The following GNS variants were observed in gnomAD, a reference collection of about 807,000 sequenced individuals.
GNS encodes the protein glucosamine (N-acetyl)-6-sulfatase.
Under a neutral mutation model 69.7 loss-of-function variants are expected in GNS, and 40 were observed. That is an observed-to-expected ratio of 0.57 (90% CI 0.45 to 0.75). GNS has a LOEUF of 0.75. Ranked by LOEUF, GNS falls within the 30% of genes least tolerant of loss-of-function variation. The probability of loss-of-function intolerance (pLI) is 0.00; values close to 1 mark genes in which losing one functional copy is unlikely to be tolerated. For missense variants in GNS, 565 were observed against 685.5 expected (o/e 0.82, Z 1.96); for synonymous variants, 243 against 251.6 (o/e 0.97, Z 0.32).
chr12:64,725,995 CAAAAAAAAAA>C (rs34734900), intron 10 of GNS, among the ~76,000 whole-genome samples: 2 of 49,214 alleles, frequency 4.1e-5, no homozygotes, highest in African/African-American at 1.6e-4. Context: ...GACTCTGTCT[CAAAAAAAAAA>C]AAAAAAAAAA....
intron 8 of GNS, 143 bp downstream of exon 8, chr12:64,739,238 A>G: frequency 1.3e-6 from 1 of 760,130 alleles, no homozygotes. Context: ...TGGTGCTCCA[A>G]CTGGAGGGGT....
intron 9 of GNS, among the ~76,000 whole-genome samples, chr12:64,732,682 C>T (rs563333295): frequency 1.7e-4 from 26 of 151,898 alleles, no homozygotes; most frequent in African/African-American, 4.6e-4. Flanking sequence ...AGGATGGTCT[C>T]GATCTCCTGA....
intron 1 of GNS, chr12:64,756,613 G>A: frequency 1.4e-6 from 1 of 709,262 alleles, no homozygotes; most frequent in South Asian, 1.5e-5. Flanking sequence ...AGGATACTAT[G>A]TACAGCAGAG....
Position 64,737,190 on chromosome 12 carries a change from C to G in GNS, c.995-83G>C, listed in dbSNP as rs1418781802. On this transcript the variant is annotated intron_variant, in intron 8 of 13. Coordinates refer to ENST00000258145, the MANE Select transcript of GNS (RefSeq NM_002076.4). ...ATGTTTCACTCATTTAATCCACAGC[C>G]AAAACTAAAACAACTTTGTTCTACT... 16 of 816,528 alleles carry G rather than the reference C, an allele frequency of 2.0e-5. No individual in the cohort carries two copies. The Admixed American group carries it at 2.9e-4, about 15-fold the overall frequency. The allele number at this position is 816,528 out of a possible 1,614,324, so 50.6% of individuals were successfully genotyped here. A position where few individuals can be genotyped will look rare whatever the true frequency, so the allele number is the denominator to read the frequency against.
intron 6 of GNS, among the ~76,000 whole-genome samples, chr12:64,742,173 A>G (rs1244196212): frequency 3.3e-5 from 5 of 152,034 alleles, no homozygotes; most frequent in African/African-American, 9.7e-5. Context: ...GGTGTCCACC[A>G]CCACGCCCGG....
intron 1 of GNS, among the ~76,000 whole-genome samples, chr12:64,755,098 T>C (rs958341330): frequency 1.3e-5 from 2 of 152,050 alleles, no homozygotes; most frequent in Non-Finnish European, 2.9e-5. Context: ...GTTAAGGCCA[T>C]GCAACAGTCT....
At chr12:64,730,434 C>CAAAAAAAAAA (rs35692874) in intron 9 of GNS, among the ~76,000 whole-genome samples, 1 of 43,386 alleles carries the variant, frequency 2.3e-5, no homozygotes, top group African/African-American at 1.0e-4. Context: ...ATATGAAAGG[C>CAAAAAAAAAA]AAAAAAAAAA....
At position 64,745,625 on chromosome 12, in the gene GNS, C is replaced by T. The variant is rs12301873; in HGVS notation, c.525+34G>A. 0.01 allele frequency: 11,960 copies of T among 1,175,444 alleles called. 723 individuals carry two copies. The African/African-American group carries it at 0.14, about 14-fold the overall frequency. The allele number at this position is 1,175,444 out of a possible 1,614,324, so 72.8% of individuals were successfully genotyped here. On this transcript the variant is annotated intron_variant, in intron 4 of 13. Transcript: ENST00000258145. ...AACATATTCTGCATCTGTAGGGCTG[C>T]ATAAAATTGTCACAGACTTCAATAA...
At chr12:64,717,134 A>T (rs935264313) in intron 13 of GNS, among the ~76,000 whole-genome samples, 2 of 152,206 alleles carry the variant, frequency 1.3e-5, no homozygotes, top group African/African-American at 4.8e-5. Context: ...CTGTTACATT[A>T]TTACAGTGCT....
At chr12:64,756,028 T>C (rs1870240485) in intron 1 of GNS, among the ~76,000 whole-genome samples, 1 of 152,174 alleles carries the variant, frequency 6.6e-6, no homozygotes, top group Non-Finnish European at 1.5e-5. Flanking sequence ...CACCACACTA[T>C]AATGATGTTT....
intron 10 of GNS, among the ~76,000 whole-genome samples, chr12:64,727,169 ATTT>A (rs894851260): frequency 6.9e-6 from 1 of 144,670 alleles, no homozygotes; most frequent in African/African-American, 2.5e-5. Context: ...GGGGGAGGAT[ATTT>A]TTTTTTTTCT....
intron 9 of GNS, among the ~76,000 whole-genome samples, chr12:64,730,686 T>TA (rs2136241325): frequency 6.6e-6 from 1 of 152,230 alleles, no homozygotes; most frequent in South Asian, 2.1e-4. Context: ...GACCCACTGT[T>TA]ACAGATAATT....
intron 8 of GNS, among the ~76,000 whole-genome samples, chr12:64,737,679 C>T (rs1246850519): frequency 3.3e-5 from 5 of 152,180 alleles, no homozygotes; most frequent in African/African-American, 1.2e-4. Context: ...GCTGAAACCA[C>T]CTGACTCATC....
At position 64,749,921 on chromosome 12, in the gene GNS, G is replaced by A. The variant is rs539820851; in HGVS notation, c.253-2003C>T. ...GACAGGGTCTTACTCTGTCACCGAGGATGGAGTACAGTGGTGCGATCTCAG... is the reference window on the plus strand; with the variant it reads ...GACAGGGTCTTACTCTGTCACCGAGAATGGAGTACAGTGGTGCGATCTCAG... On this transcript the variant is annotated intron_variant, in intron 2 of 13. Transcript: ENST00000258145. Among the ~76,000 whole-genome samples the A allele has an allele frequency of 2.7e-5, 4 of 149,440 alleles. No homozygotes were observed. The East Asian group carries it at 7.9e-4, about 29-fold the overall frequency.
intron 7 of GNS, 117 bp downstream of exon 7, chr12:64,740,489 G>GA (rs1869697779): frequency 1.3e-6 from 1 of 745,848 alleles, no homozygotes; most frequent in African/African-American, 1.7e-5. Flanking sequence ...CTCTCCCACT[G>GA]ACTTGCTTCC....
chr12:64,732,864 G>A (rs2136242555), intron 9 of GNS, among the ~76,000 whole-genome samples: 1 of 152,290 alleles, frequency 6.6e-6, no homozygotes, highest in South Asian at 2.1e-4. Context: ...CTCCCAAAGT[G>A]CTAGGATTAC....
Position 64,743,187 on chromosome 12 carries a change from T to C in GNS, c.746A>G (p.Gln249Arg), listed in dbSNP as rs756406058. ...TAAPQYQKAFQNVFAPRNKNF... is the reference protein window; with the variant it reads ...TAAPQYQKAFRNVFAPRNKNF... The stretch of plus-strand genomic sequence containing the variant: ...CTTGTTTCTTGGTGCAAAGACATTC[T>C]GGAAAGCCTTCTGGTACTGAGGTGC... Residue 249 changes from glutamine (Q) to arginine (R), a missense_variant, in exon 6 of 14, where the codon CAG (glutamine) becomes CGG (arginine). By Grantham distance (43) the Gln-to-Arg change is conservative. Around this residue, in one of 2 missense-constraint regions of GNS, gnomAD observed 384 missense variants for 511.0 expected, o/e 0.75. Coordinates refer to ENST00000258145, the MANE Select transcript of GNS (RefSeq NM_002076.4). 2 of 1,613,692 alleles carry C rather than the reference T, an allele frequency of 1.2e-6. No individual in the cohort carries two copies. Among genetic ancestry groups the C allele is most frequent in the Non-Finnish European group, 1.7e-6 (2 of 1,179,614 alleles).
At chr12:64,746,316 C>G (rs1869897455) in intron 3 of GNS, 1 of 154,170 alleles carries the variant, frequency 6.5e-6, no homozygotes, top group South Asian at 2.0e-4. Flanking sequence ...AATAATCAGA[C>G]TATAAGCTAT....
intron 9 of GNS, among the ~76,000 whole-genome samples, chr12:64,734,284 TA>T (rs1248416299): frequency 1.3e-5 from 2 of 152,228 alleles, no homozygotes; most frequent in East Asian, 3.8e-4. Flanking sequence ...CAGTGTATGT[TA>T]GGGGCTGGAT....
Sources: allele counts gnomAD v4.1 joint callset (sites outside exome capture counted in the v4.1 genomes callset), GRCh38; gene constraint gnomAD v4.1.1; regional missense constraint gnomAD v4.1.1; transcripts MANE v1.5; gene names NCBI Gene and HGNC (gene_info 2026-07-23, HGNC 2026-07-21).